Variants in CACNA1A observed in about 807,000 individuals in gnomAD.
CACNA1A encodes voltage-dependent P/Q-type calcium channel subunit alpha-1A.
CACNA1A carries 57 observed loss-of-function variants against 262.4 expected under a neutral mutation model. That is an observed-to-expected ratio of 0.22 (90% CI 0.18 to 0.27). The LOEUF (loss-of-function observed/expected upper bound fraction) is 0.27, where lower values mean the gene tolerates loss of function less well. CACNA1A is among the 10% of genes least tolerant of loss of function. CACNA1A has a pLI of 1.00. For missense variants in CACNA1A, 2,526 were observed against 3,562.8 expected (o/e 0.71, Z 7.41); for synonymous variants, 1,431 against 1,419.3 (o/e 1.01, Z -0.18).
At chr19:13,385,226 CTTTCT>C (rs2059589006) in intron 3 of CACNA1A, among the ~76,000 whole-genome samples, 1 of 137,560 alleles carries the variant, frequency 7.3e-6, no homozygotes, top group Non-Finnish European at 1.6e-5. Context: ...TCTATTCTTT[CTTTCT>C]TTTTTTTTTT....
At chr19:13,456,495 A>AC (rs1444921808) in intron 1 of CACNA1A, among the ~76,000 whole-genome samples, 1 of 151,790 alleles carries the variant, frequency 6.6e-6, no homozygotes, top group Non-Finnish European at 1.5e-5. Flanking sequence ...ACACGGTGAA[A>AC]CCCTATCTCT....
chr19:13,277,173 C>T lies in CACNA1A; in HGVS notation c.3823-45G>A. ...GAGAGCAGTGGATCACTGGCCTGTT[C>T]CAGCAGAGCCCCGGTAAAACTAACG... On this transcript the variant is annotated intron_variant, in intron 22 of 46. Transcript: ENST00000360228. 4 of 1,371,352 alleles carry T rather than the reference C, an allele frequency of 2.9e-6. No homozygotes were observed. The South Asian group carries it at 3.6e-5, about 12-fold the overall frequency. The allele number at this position is 1,371,352 out of a possible 1,614,324, so 84.9% of individuals were successfully genotyped here.
chr19:13,357,560 G>A (rs1166905657), intron 6 of CACNA1A, among the ~76,000 whole-genome samples: 1 of 152,174 alleles, frequency 6.6e-6, no homozygotes, highest in East Asian at 1.9e-4. Context: ...CCTTGTGTTT[G>A]ATCCTGAATC....
In CACNA1A at chr19:13,299,022, G is replaced by T; in HGVS notation, c.2611C>A (p.Pro871Thr). ...QARYHDRARD[P>T]SGSAGLDARR... ...GCGTCCAGGCCCGCCGAGCCGCTGG[G>T]GTCCCGGGCCCGATCGTGGTAGCGG... The change falls in exon 19 of 47, where the codon CCC becomes ACC. Residue 871 changes from proline (P) to threonine (T), a missense_variant. By Grantham distance (38) the Pro-to-Thr change is conservative. Around this residue, in one of 17 missense-constraint regions of CACNA1A, gnomAD observed 765 missense variants for 748.6 expected, o/e 1.02. Coordinates refer to ENST00000360228, the MANE Select transcript of CACNA1A (RefSeq NM_001127222.2). 1 of 1,590,470 alleles carries T rather than the reference G, an allele frequency of 6.3e-7. No individual in the cohort carries two copies. The highest frequency in any genetic ancestry group is 8.5e-7 in the Non-Finnish European group (1 of 1,174,242).
At chr19:13,340,678 C>T (rs2058663657) in intron 6 of CACNA1A, among the ~76,000 whole-genome samples, 2 of 152,112 alleles carry the variant, frequency 1.3e-5, no homozygotes, top group African/African-American at 2.4e-5. Flanking sequence ...CCACTCACCT[C>T]GGCCTCCCAA....
chr19:13,478,676 G>A (rs1206773867), intron 1 of CACNA1A, among the ~76,000 whole-genome samples: 1 of 152,192 alleles, frequency 6.6e-6, no homozygotes, highest in Non-Finnish European at 1.5e-5. Context: ...GTATTTCACA[G>A]CAGCTTTGTT....
chr19:13,350,839 C>T lies in CACNA1A; in HGVS notation c.978+8767G>A, dbSNP rs561115230. 5.7e-4 allele frequency among the ~76,000 whole-genome samples: 87 copies of T among 152,118 alleles called. 1 individual carries two copies. The South Asian group carries it at 0.018, about 31-fold the overall frequency. On this transcript the variant is annotated intron_variant, in intron 6 of 46. Coordinates refer to ENST00000360228, the MANE Select transcript of CACNA1A (RefSeq NM_001127222.2). ...GGCAATGTGTGAGAACATGTCTCTACCAAAAAAATACAATTAGCTGGGCAT... is the reference window on the plus strand; with the variant it reads ...GGCAATGTGTGAGAACATGTCTCTATCAAAAAAATACAATTAGCTGGGCAT...
intron 1 of CACNA1A, among the ~76,000 whole-genome samples, chr19:13,457,954 C>G (rs2061046133): frequency 6.6e-6 from 1 of 152,056 alleles, no homozygotes; most frequent in South Asian, 2.1e-4. Flanking sequence ...ATAAAATACC[C>G]CATATTGTAT....
At chr19:13,221,218 T>TTTTCTTTTTTCTTTC (rs1555734399) in intron 38 of CACNA1A, among the ~76,000 whole-genome samples, 8 of 25,672 alleles carry the variant, frequency 3.1e-4, no homozygotes, top group East Asian at 1.5e-3. Flanking sequence ...TTGTTTTTTC[T>TTTTCTTTTTTCTTTC]TTTCTTTCTT....
intron 2 of CACNA1A, 132 bp downstream of exon 2, chr19:13,454,975 G>C (rs2060981150): frequency 5.2e-6 from 3 of 577,198 alleles, no homozygotes; most frequent in Non-Finnish European, 9.6e-6. Context: ...AAATGAAAAG[G>C]AAATTTAGGC....
At chr19:13,326,131 C>A (rs1182361148) in intron 10 of CACNA1A, among the ~76,000 whole-genome samples, 1 of 151,864 alleles carries the variant, frequency 6.6e-6, no homozygotes, top group Non-Finnish European at 1.5e-5. Flanking sequence ...GCCTGGCCAA[C>A]ATGGTGAAAC....
intron 3 of CACNA1A, among the ~76,000 whole-genome samples, chr19:13,436,742 C>A (rs1320806303): frequency 2.0e-5 from 3 of 152,208 alleles, no homozygotes; most frequent in Non-Finnish European, 4.4e-5. Flanking sequence ...CACACTGATG[C>A]CACAGATGGC....
At chr19:13,252,201 T>C (rs2056417525) in intron 30 of CACNA1A, among the ~76,000 whole-genome samples, 1 of 151,936 alleles carries the variant, frequency 6.6e-6, no homozygotes, top group Admixed American at 6.6e-5. Context: ...TAACTGGCAC[T>C]ACAGGCACGA....
At chr19:13,395,608 T>C (rs368462058) in intron 3 of CACNA1A, among the ~76,000 whole-genome samples, 93 of 144,044 alleles carry the variant, frequency 6.5e-4, no homozygotes, top group African/African-American at 2.3e-3. Context: ...TCAGACTCTG[T>C]CTCAAAAAAA....
chr19:13,250,339 T>C (rs1295000303), intron 30 of CACNA1A, among the ~76,000 whole-genome samples: 2 of 152,000 alleles, frequency 1.3e-5, no homozygotes, highest in Non-Finnish European at 2.9e-5. Context: ...GGATTACAGG[T>C]GTGAGCCATC....
chr19:13,453,349 CAAT>C (rs2060950161), intron 2 of CACNA1A, among the ~76,000 whole-genome samples: 1 of 152,076 alleles, frequency 6.6e-6, no homozygotes, highest in African/African-American at 2.4e-5. Context: ...AATTTAAATG[CAAT>C]AAAATAAAAA....
chr19:13,307,645 A>G, intron 15 of CACNA1A, 137 bp downstream of exon 15: 1 of 675,352 alleles, frequency 1.5e-6, no homozygotes, highest in South Asian at 1.8e-5. Flanking sequence ...TGATAACCAT[A>G]AAATCTGTGT....
intron 28 of CACNA1A, 74 bp downstream of exon 28, chr19:13,257,276 C>T (rs1285832883): frequency 7.9e-7 from 1 of 1,268,908 alleles, no homozygotes; most frequent in Non-Finnish European, 1.1e-6. Context: ...AAAGGGGTTC[C>T]TGGGTGTTGT....
At chr19:13,476,793 C>CA (rs1243232820) in intron 1 of CACNA1A, among the ~76,000 whole-genome samples, 2 of 152,144 alleles carry the variant, frequency 1.3e-5, no homozygotes, top group African/African-American at 2.4e-5. Flanking sequence ...TCTCCACAGA[C>CA]AACAACCTGG....
Sources: allele counts gnomAD v4.1 joint callset (sites outside exome capture counted in the v4.1 genomes callset), GRCh38; gene constraint gnomAD v4.1.1; regional missense constraint gnomAD v4.1.1; transcripts MANE v1.5; gene names NCBI Gene and HGNC (gene_info 2026-07-23, HGNC 2026-07-21).